Variants in SORBS3 observed in about 807,000 individuals in gnomAD.
SORBS3 encodes the protein sorbin and SH3 domain containing 3, also known as vinexin.
A neutral mutation model predicts 98.0 loss-of-function variants in SORBS3; 69 were observed. The observed-to-expected ratio is 0.70, with a 90% CI of 0.58 to 0.86. SORBS3 has a LOEUF of 0.86. Ranked by LOEUF, SORBS3 falls within the 40% of genes least tolerant of loss-of-function variation. The probability of loss-of-function intolerance (pLI) is 0.00; values close to 1 mark genes in which losing one functional copy is unlikely to be tolerated. For missense variants in SORBS3, 954 were observed against 908.5 expected (o/e 1.05, Z -0.64); for synonymous variants, 394 against 355.4 (o/e 1.11, Z -1.22).
In SORBS3 at chr8:22,565,304, G is replaced by A; in HGVS notation, c.853G>A (p.Glu285Lys). ...GAGAGAGCTGGCCGAGCTGAGCGCC[G>A]AGCTGGACAAGGACCTGCGGGCAAT... ...LERELAELSAELDKDLRAIET... is the reference protein window; with the variant it reads ...LERELAELSAKLDKDLRAIET... The change falls in exon 11 of 21, where the codon GAG (glutamate) becomes AAG (lysine). Residue 285 changes from glutamate to lysine, a missense_variant. Transcript: ENST00000240123. 6.4e-7 allele frequency: 1 copy of A among 1,559,118 alleles called. No homozygotes were observed. Among genetic ancestry groups the A allele is most frequent in the Non-Finnish European group, 8.7e-7 (1 of 1,151,854 alleles).
chr8:22,571,695 CCTTT>C lies in SORBS3; in HGVS notation c.1744-19_1744-16del. 1 of 1,561,682 alleles carries C rather than the reference CCTTT, an allele frequency of 6.4e-7. No homozygotes were observed. The highest frequency in any genetic ancestry group is 8.8e-7 in the Non-Finnish European group (1 of 1,132,440). On this transcript the variant is annotated intron_variant, in intron 18 of 20. Transcript: ENST00000240123. Reference sequence around the variant, plus strand: ...CCATCGTCTTCCTCCCTCTGACATCCCTTTCTTCCTGTCAACTCCCAGAATCTTG... The same window carrying C: ...CCATCGTCTTCCTCCCTCTGACATCCCTTCCTGTCAACTCCCAGAATCTTG...
At chr8:22,561,564 G>A in intron 6 of SORBS3, 191 bp downstream of exon 6, 2 of 653,284 alleles carry the variant, frequency 3.1e-6, no homozygotes, top group Non-Finnish European at 5.4e-6. Flanking sequence ...GCCTCAGCTT[G>A]CACGGGGAAC....
At chr8:22,566,060 G>A (rs1184853419) in intron 12 of SORBS3, 188 bp downstream of exon 12, 2 of 548,120 alleles carry the variant, frequency 3.6e-6, no homozygotes, top group Non-Finnish European at 5.5e-6. Flanking sequence ...GCCACCGAGG[G>A]CAGCTAACTC....
chr8:22,571,115 C>G lies in SORBS3; in HGVS notation c.1637C>G (p.Pro546Arg). Residue 546 changes from proline (P) to arginine (R), a missense_variant, in exon 18 of 21, where the codon CCC becomes CGC. Pro to Arg is a moderately radical substitution (Grantham distance 103, BLOSUM62 -2). Coordinates refer to ENST00000240123, the MANE Select transcript of SORBS3 (RefSeq NM_005775.5). ...AARSARHPSS[P>R]SALRSPADPI... is the part of the protein sequence containing the mutation. ...CGCTCAGCCCGTCACCCCAGCTCCC[C>G]CTCAGCCCTGCGCAGCCCAGCTGAC... The G allele has an allele frequency of 6.2e-7, 1 of 1,608,566 alleles. No homozygotes were observed. The highest frequency in any genetic ancestry group is 1.1e-5 in the South Asian group (1 of 90,990).
upstream of SORBS3, among the ~76,000 whole-genome samples, chr8:22,550,783 T>C (rs1410771422): frequency 1.3e-5 from 2 of 152,220 alleles, no homozygotes; most frequent in Non-Finnish European, 2.9e-5. Context: ...TTAGTTTTCA[T>C]AATTTAGCAT....
intron 10 of SORBS3, chr8:22,564,761 C>T (rs1003984954): frequency 1.1e-5 from 16 of 1,399,654 alleles, no homozygotes; most frequent in African/African-American, 2.9e-5. Flanking sequence ...GTGGTCAGTG[C>T]GCACTGGGAT....
Position 22,571,143 on chromosome 8 carries a change from C to T in SORBS3, c.1665C>T (p.Pro555=), listed in dbSNP as rs749951627. 6.2e-7 allele frequency: 1 copy of T among 1,601,652 alleles called. No homozygotes were observed. Among genetic ancestry groups the T allele is most frequent in the Admixed American group, 1.7e-5 (1 of 59,816 alleles). The change falls in exon 18 of 21, where the codon CCC becomes CCT. Residue 555 remains proline, a synonymous_variant. Transcript: ENST00000240123. ...SPSALRSPAD[P]IDLGGQTSPR... is the part of the protein sequence containing the mutation. ...CAGCCCTGCGCAGCCCAGCTGACCCCATCGACTTGGGGGGACAGACCTCCC... is the reference window on the plus strand; with the variant it reads ...CAGCCCTGCGCAGCCCAGCTGACCCTATCGACTTGGGGGGACAGACCTCCC...
At chr8:22,566,575 G>A in intron 13 of SORBS3, 86 bp from the exon 14 acceptor site, 2 of 1,579,984 alleles carry the variant, frequency 1.3e-6, no homozygotes. Context: ...AGAGCCCCTT[G>A]CTTCTGCCAG....
chr8:22,564,899 CG>C (rs1563828316), intron 10 of SORBS3: 1 of 526,538 alleles, frequency 1.9e-6, no homozygotes, highest in Non-Finnish European at 2.6e-6. Flanking sequence ...CCTGGGGTGG[CG>C]GGGGAACCTG....
chr8:22,557,276 T>C (rs945234023), intron 4 of SORBS3, among the ~76,000 whole-genome samples: 1 of 152,170 alleles, frequency 6.6e-6, no homozygotes, highest in African/African-American at 2.4e-5. Flanking sequence ...ACCGGCCGAA[T>C]GAGTGAGTGA....
rs1563842481 is a variant in SORBS3, at chr8:22,572,373, CGAA to C, written c.1884_1886del (p.Glu628del). 4 of 1,614,082 alleles carry C rather than the reference CGAA, an allele frequency of 2.5e-6. No individual in the cohort carries two copies. In the East Asian group the frequency reaches 8.9e-5, roughly 36 times the overall value. On this transcript the variant is annotated inframe_deletion, in exon 20 of 21. Coordinates refer to ENST00000240123, the MANE Select transcript of SORBS3 (RefSeq NM_005775.5). ...CGATGTACCAGTACAGGCCCCAGAA[CGAA>C]GACGAGCTGGAGCTGCGCGAGGGGG...
chr8:22,569,680 A>G (rs1475646601), intron 17 of SORBS3, among the ~76,000 whole-genome samples: 3 of 152,048 alleles, frequency 2.0e-5, no homozygotes, highest in Admixed American at 1.3e-4. Context: ...ACCTAGCTTC[A>G]CCCAGGATTT....
At chr8:22,561,410 T>A (rs1840291909) in intron 6 of SORBS3, 37 bp downstream of exon 6, 2 of 1,611,594 alleles carry the variant, frequency 1.2e-6, no homozygotes, top group African/African-American at 1.3e-5. Context: ...GCCATAGCCC[T>A]GCGCCTGCGT....
chr8:22,573,382 A>G (rs569941716), intron 20 of SORBS3: 45 of 456,128 alleles, frequency 9.9e-5, no homozygotes, highest in African/African-American at 8.8e-4. Context: ...TAGGAGCCAC[A>G]AGCGCTTTGA....
rs1326552727 is a variant in SORBS3 at position 22,567,111 on chromosome 8, A to T, written c.1241A>T (p.Asp414Val). ...ATTGTCTACATCCACAAGGAGGTGG[A>T]CAAGAACTGGCTGGAGGGAGAGCAC... ...GDIVYIHKEV[D>V]KNWLEGEHHG... is the part of the protein sequence containing the mutation. The change falls in exon 16 of 21, where the codon GAC (aspartate) becomes GTC (valine). Residue 414 changes from aspartate to valine, a missense_variant. By Grantham distance (152) the Asp-to-Val change is radical (BLOSUM62 -3). Coordinates refer to ENST00000240123, the MANE Select transcript of SORBS3 (RefSeq NM_005775.5). The T allele has an allele frequency of 2.5e-6, 4 of 1,613,544 alleles. No homozygotes were observed. Among genetic ancestry groups the T allele is most frequent in the Non-Finnish European group, 3.4e-6 (4 of 1,179,882 alleles).
At chr8:22,548,708 G>A (rs1318252957), upstream of SORBS3, among the ~76,000 whole-genome samples, 5 of 152,126 alleles carry the variant, frequency 3.3e-5, no homozygotes, top group Non-Finnish European at 7.4e-5. Context: ...CTGAATTGCC[G>A]ATTCCCAGCA....
At chr8:22,564,254 C>T in intron 8 of SORBS3, 29 bp from the exon 9 acceptor site, 1 of 1,562,674 alleles carries the variant, frequency 6.4e-7, no homozygotes, top group Non-Finnish European at 8.7e-7. Context: ...GCCCTCTTCA[C>T]AAGCTGACAC....
chr8:22,564,594 C>A, intron 10 of SORBS3, 73 bp downstream of exon 10: 1 of 1,580,922 alleles, frequency 6.3e-7, no homozygotes, highest in Non-Finnish European at 8.7e-7. Flanking sequence ...GCCCCAGTAA[C>A]CATGGGCATA....
intron 1 of SORBS3, among the ~76,000 whole-genome samples, chr8:22,546,102 C>A (rs1373847167): frequency 6.6e-6 from 1 of 152,054 alleles, no homozygotes; most frequent in Non-Finnish European, 1.5e-5. Context: ...TTCTTGCTTT[C>A]AGTTATGTTA....
Sources: allele counts gnomAD v4.1 joint callset (sites outside exome capture counted in the v4.1 genomes callset), GRCh38; gene constraint gnomAD v4.1.1; transcripts MANE v1.5; gene names NCBI Gene and HGNC (gene_info 2026-07-23, HGNC 2026-07-21).